TRDN: variants seen among roughly 807,000 people sequenced by gnomAD.
TRDN encodes the protein triadin in skeletal muscle.
TRDN carries 161 observed loss-of-function variants against 149.7 expected under a neutral mutation model. The observed-to-expected ratio is 1.08, with a 90% confidence interval of 0.95 to 1.23. The LOEUF is 1.23. Among genes scored for constraint, TRDN ranks in the 50% most tolerant of loss-of-function variants. The probability of loss-of-function intolerance (pLI) is 0.00; values close to 1 mark genes in which losing one functional copy is unlikely to be tolerated. For missense variants in TRDN, 896 were observed against 823.5 expected (o/e 1.09, Z -1.08); for synonymous variants, 294 against 250.5 (o/e 1.17, Z -1.64).
At chr6:123,446,071 T>C (rs1375957263) in intron 10 of TRDN, among the ~76,000 whole-genome samples, 1 of 151,304 alleles carries the variant, frequency 6.6e-6, no homozygotes, top group African/African-American at 2.4e-5. Flanking sequence ...AAATGATGAG[T>C]TCATGTTCTT....
intron 9 of TRDN, among the ~76,000 whole-genome samples, chr6:123,486,127 A>T (rs1308646560): frequency 6.6e-5 from 10 of 152,122 alleles, no homozygotes; most frequent in African/African-American, 2.2e-4. Context: ...GAGGCATAAG[A>T]TGACTTAAAT....
intron 12 of TRDN, among the ~76,000 whole-genome samples, chr6:123,407,697 A>T (rs1773253723): frequency 6.6e-6 from 1 of 152,102 alleles, no homozygotes. Flanking sequence ...AAGTCCCTTG[A>T]ATAAAAAATG....
chr6:123,303,601 G>A (rs1252960959), intron 24 of TRDN, among the ~76,000 whole-genome samples: 2 of 152,314 alleles, frequency 1.3e-5, no homozygotes, highest in Middle Eastern at 3.4e-3. Flanking sequence ...TGTTTTCAGT[G>A]AGGGACTGAG....
intron 8 of TRDN, among the ~76,000 whole-genome samples, chr6:123,500,214 G>C (rs1248386291): frequency 6.6e-6 from 1 of 152,056 alleles, no homozygotes; most frequent in African/African-American, 2.4e-5. Flanking sequence ...CTGTGATCTT[G>C]TATTCTAATG....
At position 123,400,757 on chromosome 6, in the gene TRDN, C is replaced by T. The variant is rs185220998; in HGVS notation, c.1052-7080G>A. ...AAATATAGCACTTAAAAAACCAGCC[C>T]CTTTTTTCTAATATTAGTAAGCAGT... is the stretch of plus-strand genomic sequence containing the variant. On this transcript the variant is annotated intron_variant, in intron 12 of 40. Transcript: ENST00000334268. 5.3e-3 allele frequency among the ~76,000 whole-genome samples: 802 copies of T among 152,238 alleles called. 2 individuals carry two copies. Among genetic ancestry groups the T allele is most frequent in the Non-Finnish European group, 9.4e-3 (639 of 68,012 alleles).
intron 36 of TRDN, 117 bp from the exon 37 acceptor site, chr6:123,255,242 T>G (rs767338382): frequency 4.5e-6 from 2 of 446,460 alleles, no homozygotes; most frequent in East Asian, 3.9e-5. Context: ...TTTCTCAAGT[T>G]GGTTTTCAAA....
At chr6:123,498,449 C>T in intron 8 of TRDN, 2 of 403,338 alleles carry the variant, frequency 5.0e-6, no homozygotes, top group Admixed American at 5.6e-5. Flanking sequence ...TCATTAATAC[C>T]TAAATAAGGG....
intron 2 of TRDN, among the ~76,000 whole-genome samples, chr6:123,550,140 C>G (rs1021798359): frequency 6.6e-6 from 1 of 151,924 alleles, no homozygotes; most frequent in Non-Finnish European, 1.5e-5. Context: ...CAACGGAAGA[C>G]AGAAGGTATC....
intron 24 of TRDN, among the ~76,000 whole-genome samples, chr6:123,301,738 T>C (rs1207361491): frequency 1.6e-5 from 2 of 126,222 alleles, no homozygotes; most frequent in Admixed American, 1.8e-4. Context: ...TGTATGTATG[T>C]ATGTATATAT....
chr6:123,633,233 T>G (rs894076881), intron 1 of TRDN, among the ~76,000 whole-genome samples: 9 of 152,104 alleles, frequency 5.9e-5, no homozygotes, highest in African/African-American at 1.9e-4. Flanking sequence ...GATAAAGGAC[T>G]GTTTATAGCC....
chr6:123,507,849 T>C (rs17688983), intron 7 of TRDN, among the ~76,000 whole-genome samples: 1,959 of 152,318 alleles, frequency 0.013, 19 homozygotes, highest in Middle Eastern at 0.027. Context: ...TCAGAATGTC[T>C]GATGCCAAAG....
In TRDN at chr6:123,226,755, G is replaced by A. The variant is rs567800934; in HGVS notation, c.1976-2624C>T. On this transcript the variant is annotated intron_variant, in intron 38 of 40. Coordinates refer to ENST00000334268, the MANE Select transcript of TRDN (RefSeq NM_006073.4). ...TACTTATTCTTACAACTTGCACGTT[G>A]AGTGAGTGGTAGTTTTGATAAAACA... 2.4e-4 allele frequency among the ~76,000 whole-genome samples: 36 copies of A among 152,024 alleles called. 2 individuals are homozygous for A. The South Asian group carries it at 4.6e-3, about 19-fold the overall frequency.
At chr6:123,384,454 C>T (rs1209139560) in intron 14 of TRDN, among the ~76,000 whole-genome samples, 1 of 152,038 alleles carries the variant, frequency 6.6e-6, no homozygotes, top group Non-Finnish European at 1.5e-5. Context: ...TAAATTCAAC[C>T]TAAAGTTTGG....
chr6:123,315,832 G>A (rs1461008583), intron 24 of TRDN, among the ~76,000 whole-genome samples: 1 of 151,814 alleles, frequency 6.6e-6, no homozygotes, highest in East Asian at 1.9e-4. Context: ...CACTAGCCTT[G>A]AGTGCCCAGC....
At chr6:123,375,832 G>A (rs113726321) in intron 18 of TRDN, among the ~76,000 whole-genome samples, 1 of 151,960 alleles carries the variant, frequency 6.6e-6, no homozygotes, top group African/African-American at 2.4e-5. Flanking sequence ...ATGAATTATA[G>A]AATTTTATTG....
At chr6:123,504,534 G>A (rs925425162) in intron 7 of TRDN, among the ~76,000 whole-genome samples, 4 of 152,124 alleles carry the variant, frequency 2.6e-5, no homozygotes, top group African/African-American at 9.7e-5. Context: ...AAGAAATTCA[G>A]ATATTGGCTC....
chr6:123,434,709 C>T (rs1037324223), intron 12 of TRDN, among the ~76,000 whole-genome samples: 1 of 151,994 alleles, frequency 6.6e-6, no homozygotes, highest in Non-Finnish European at 1.5e-5. Context: ...TTGCTTTTTT[C>T]ATGGTATTTC....
intron 1 of TRDN, among the ~76,000 whole-genome samples, chr6:123,632,905 C>G (rs1291884415): frequency 1.3e-5 from 2 of 151,372 alleles, no homozygotes; most frequent in Non-Finnish European, 2.9e-5. Flanking sequence ...GCTGCAGACT[C>G]TATGGGAGTA....
At position 123,395,076 on chromosome 6, in the gene TRDN, T is replaced by C. The variant is rs987639314; in HGVS notation, c.1052-1399A>G. ...TCAGATGTTTTACTTCTTGGAGATC[T>C]CAAAATATTAGAAAATTATACTGCA... On this transcript the variant is annotated intron_variant, in intron 12 of 40. Transcript: ENST00000334268. Among the ~76,000 whole-genome samples, 12 of 152,150 alleles carry C rather than the reference T, an allele frequency of 7.9e-5. 1 individual carries two copies. In the South Asian group the frequency reaches 2.5e-3, roughly 32 times the overall value.
Sources: allele counts gnomAD v4.1 joint callset (sites outside exome capture counted in the v4.1 genomes callset), GRCh38; gene constraint gnomAD v4.1.1; transcripts MANE v1.5; gene names NCBI Gene and HGNC (gene_info 2026-07-23, HGNC 2026-07-21).